Variants in PDE4D observed in about 807,000 individuals in gnomAD.
PDE4D encodes phosphodiesterase 4D.
In PDE4D, 24 loss-of-function variants were observed where a neutral mutation model predicts 87.4. The observed-to-expected ratio is 0.27, with a 90% confidence interval of 0.20 to 0.39. The LOEUF (loss-of-function observed/expected upper bound fraction) is 0.39, where lower values mean the gene tolerates loss of function less well. Among genes scored for constraint, PDE4D ranks in the 10% least tolerant of loss-of-function variants. The pLI, the probability that PDE4D is intolerant of heterozygous loss-of-function variation, is 1.00. For synonymous variants in PDE4D, 384 were observed against 383.2 expected (o/e 1.00, Z -0.02); for missense variants, 714 against 1,041.0 (o/e 0.69, Z 4.32).
intron 6 of PDE4D, among the ~76,000 whole-genome samples, chr5:59,004,728 G>A (rs938028290): frequency 1.3e-5 from 2 of 152,168 alleles, no homozygotes; most frequent in African/African-American, 4.8e-5. Flanking sequence ...ATAGCTGCTG[G>A]GACTTTTTGG....
chr5:60,014,878 G>A (rs1315309230), intron 2 of PDE4D, among the ~76,000 whole-genome samples: 1 of 152,178 alleles, frequency 6.6e-6, no homozygotes, highest in African/African-American at 2.4e-5. Flanking sequence ...TTAACTTAGA[G>A]GAGAGAGTCA....
At chr5:59,998,719 A>G (rs1354087794) in intron 2 of PDE4D, among the ~76,000 whole-genome samples, 1 of 152,136 alleles carries the variant, frequency 6.6e-6, no homozygotes, top group Non-Finnish European at 1.5e-5. Context: ...TCTAATACAT[A>G]TAAAATTTTA....
At chr5:59,118,629 C>T (rs1773999617) in intron 5 of PDE4D, among the ~76,000 whole-genome samples, 1 of 152,172 alleles carries the variant, frequency 6.6e-6, no homozygotes, top group Non-Finnish European at 1.5e-5. Flanking sequence ...AGTTTATTTA[C>T]AATTCTATGA....
In PDE4D at chr5:59,817,723, C is replaced by T. The variant is rs1415845991; in HGVS notation, c.455+75445G>A. ...CCCTACACAGGCATGCAGGCACGCGCGCGCGCGCACACACCCACACCCCCC... is the reference window on the plus strand; with the variant it reads ...CCCTACACAGGCATGCAGGCACGCGTGCGCGCGCACACACCCACACCCCCC... On this transcript the variant is annotated intron_variant, in intron 1 of 14. Coordinates refer to ENST00000340635, the MANE Select transcript of PDE4D (RefSeq NM_001104631.2). 5.9e-5 allele frequency among the ~76,000 whole-genome samples: 9 copies of T among 151,510 alleles called. No individual in the cohort carries two copies. The East Asian group carries it at 9.8e-4, about 16-fold the overall frequency.
chr5:59,420,418 C>G (rs1280082603), intron 1 of PDE4D, among the ~76,000 whole-genome samples: 2 of 152,124 alleles, frequency 1.3e-5, no homozygotes, highest in Non-Finnish European at 2.9e-5. Flanking sequence ...AAGTCAGAGA[C>G]AACAGCAACC....
At chr5:59,401,021 CA>C (rs1221291083) in intron 1 of PDE4D, among the ~76,000 whole-genome samples, 1 of 152,180 alleles carries the variant, frequency 6.6e-6, no homozygotes, top group Non-Finnish European at 1.5e-5. Context: ...TGGTCACTGA[CA>C]TGAGATAGTG....
At chr5:59,190,337 T>C (rs1187521797) in intron 3 of PDE4D, among the ~76,000 whole-genome samples, 1 of 152,210 alleles carries the variant, frequency 6.6e-6, no homozygotes, top group African/African-American at 2.4e-5. Context: ...CTTTTCTTTT[T>C]CTTATTATTT....
At chr5:60,456,535 T>A (rs1431130346) in intron 1 of PDE4D, among the ~76,000 whole-genome samples, 1 of 152,148 alleles carries the variant, frequency 6.6e-6, no homozygotes, top group Non-Finnish European at 1.5e-5. Flanking sequence ...ATGATTTTGG[T>A]TTTAATCCCT....
chr5:60,339,772 T>C (rs1315430883), intron 1 of PDE4D, among the ~76,000 whole-genome samples: 3 of 152,210 alleles, frequency 2.0e-5, no homozygotes, highest in African/African-American at 7.2e-5. Flanking sequence ...CTGGAAGCAG[T>C]TATTTCACGG....
chr5:59,614,856 G>A (rs1241267816), intron 1 of PDE4D, among the ~76,000 whole-genome samples: 1 of 149,302 alleles, frequency 6.7e-6, no homozygotes, highest in African/African-American at 2.5e-5. Flanking sequence ...TTTGGTGGTA[G>A]GGTCTCTCTC....
chr5:60,049,551 ATGTCCTTTC>A (rs1371197656), intron 2 of PDE4D, among the ~76,000 whole-genome samples: 10 of 152,132 alleles, frequency 6.6e-5, no homozygotes, highest in Non-Finnish European at 1.5e-4. Flanking sequence ...TTTGGTGTGG[ATGTCCTTTC>A]TGTTTGTTAG....
chr5:60,034,075 G>A (rs1303645854), intron 2 of PDE4D, among the ~76,000 whole-genome samples: 1 of 152,208 alleles, frequency 6.6e-6, no homozygotes, highest in Non-Finnish European at 1.5e-5. Context: ...AATTTGCTGA[G>A]TAGAGAAGTT....
chr5:59,693,246 T>C (rs2150413906), intron 1 of PDE4D, among the ~76,000 whole-genome samples: 1 of 152,058 alleles, frequency 6.6e-6, no homozygotes, highest in East Asian at 1.9e-4. Flanking sequence ...TCAAGTCCCC[T>C]TTTTCATAAG....
At chr5:60,344,827 A>G (rs1758608577) in intron 1 of PDE4D, among the ~76,000 whole-genome samples, 2 of 152,202 alleles carry the variant, frequency 1.3e-5, no homozygotes, top group South Asian at 4.1e-4. Flanking sequence ...GCATTTTGAC[A>G]TAGTTCATTC....
chr5:59,875,236 C>T (rs1222535960), intron 1 of PDE4D, among the ~76,000 whole-genome samples: 5 of 151,830 alleles, frequency 3.3e-5, no homozygotes, highest in Middle Eastern at 3.4e-3. Flanking sequence ...CCGAGGCGGG[C>T]GGATCACGAG....
intron 2 of PDE4D, among the ~76,000 whole-genome samples, chr5:60,106,744 G>C (rs1251913420): frequency 6.6e-6 from 1 of 152,058 alleles, no homozygotes; most frequent in African/African-American, 2.4e-5. Context: ...TGAACAACCT[G>C]CTCCTGAATG....
chr5:59,667,722 T>C (rs1314346802), intron 1 of PDE4D, among the ~76,000 whole-genome samples: 1 of 152,160 alleles, frequency 6.6e-6, no homozygotes, highest in Non-Finnish European at 1.5e-5. Context: ...TGTCCCTGAG[T>C]CTTTCCATAT....
intron 1 of PDE4D, among the ~76,000 whole-genome samples, chr5:59,476,201 A>G (rs913390718): frequency 3.3e-5 from 5 of 152,004 alleles, no homozygotes; most frequent in Non-Finnish European, 7.4e-5. Context: ...CTCACCAAGA[A>G]CACAAAATGG....
intron 5 of PDE4D, among the ~76,000 whole-genome samples, chr5:59,062,702 G>GGTTT (rs1763319928): frequency 1.2e-5 from 1 of 86,186 alleles, no homozygotes; most frequent in Non-Finnish European, 2.7e-5. Context: ...GAATGCATGT[G>GGTTT]GTTTTTTTTT....
Sources: allele counts gnomAD v4.1 joint callset (sites outside exome capture counted in the v4.1 genomes callset), GRCh38; gene constraint gnomAD v4.1.1; transcripts MANE v1.5; gene names NCBI Gene and HGNC (gene_info 2026-07-23, HGNC 2026-07-21).